The following RC3H2 variants were observed in gnomAD, a reference collection of about 807,000 sequenced individuals.
The protein encoded by RC3H2 is ring finger and CCCH-type domains 2.
Under a neutral mutation model 133.3 loss-of-function variants are expected in RC3H2, and 31 were observed. The ratio of observed to expected loss-of-function variants is 0.23; its 90% CI spans 0.17 to 0.31. The LOEUF is 0.31. Ranked by LOEUF, RC3H2 falls within the 10% of genes least tolerant of loss-of-function variation. RC3H2 has a pLI of 1.00. For missense variants in RC3H2, 1,175 were observed against 1,437.2 expected (o/e 0.82, Z 2.95); for synonymous variants, 517 against 502.2 (o/e 1.03, Z -0.40).
intron 5 of RC3H2, among the ~76,000 whole-genome samples, chr9:122,882,088 C>A (rs2131465723): frequency 6.6e-6 from 1 of 151,736 alleles, no homozygotes; most frequent in South Asian, 2.1e-4. Flanking sequence ...AAGTCTGTTG[C>A]TTTAAAAAAA....
intron 4 of RC3H2, among the ~76,000 whole-genome samples, chr9:122,889,949 C>A (rs1204535344): frequency 6.6e-6 from 1 of 152,140 alleles, no homozygotes; most frequent in Non-Finnish European, 1.5e-5. Context: ...CCAGACCAGT[C>A]TGGCCAACAT....
Position 122,851,127 on chromosome 9 carries a change from G to T in RC3H2, c.3334C>A (p.Pro1112Thr). ...AAACTCTGTTTCTTCTGCTTTGGTG[G>T]CTCCTTTTGGTGCTGCTGTACTGGA... ...GHPVQQHQKE[P>T]PKQKKQSLGE... is the part of the protein sequence containing the mutation. The change falls in exon 20 of 21, where the codon CCA becomes ACA. Residue 1112 changes from proline to threonine, a missense_variant. Coordinates refer to ENST00000357244, the MANE Select transcript of RC3H2 (RefSeq NM_001100588.3). 2 of 1,614,072 alleles carry T rather than the reference G, an allele frequency of 1.2e-6. No homozygotes were observed. Among genetic ancestry groups the T allele is most frequent in the Non-Finnish European group, 8.5e-7 (1 of 1,180,012 alleles).
chr9:122,897,652 A>G (rs1260996166), intron 1 of RC3H2, 76 bp from the exon 2 acceptor site: 2 of 1,010,646 alleles, frequency 2.0e-6, no homozygotes, highest in African/African-American at 3.3e-5. Context: ...TAAGTCAACT[A>G]TTACAGCTTC....
In RC3H2 at chr9:122,870,404, ACAAACAAAC is replaced by A. The variant is rs771042904; in HGVS notation, c.1326-4756_1326-4748del. Among the ~76,000 whole-genome samples the A allele has an allele frequency of 2.3e-3, 305 of 131,002 alleles. 3 individuals carry two copies. The highest frequency in any genetic ancestry group is 7.2e-3 in the Middle Eastern group (2 of 278). The allele number at this position is 131,002 out of a possible 152,430, so 85.9% of individuals were successfully genotyped here. A position where few individuals can be genotyped will look rare whatever the true frequency, so the allele number is the denominator to read the frequency against. ...AACAAACAAACAAACAAACAAACAA[ACAAACAAAC>A]AAAAAAAAAACAACAAACTGAGATA... On this transcript the variant is annotated intron_variant, in intron 9 of 20. Coordinates refer to ENST00000357244, the MANE Select transcript of RC3H2 (RefSeq NM_001100588.3).
At chr9:122,868,738 T>TA (rs1285711199) in intron 9 of RC3H2, among the ~76,000 whole-genome samples, 1 of 150,430 alleles carries the variant, frequency 6.6e-6, no homozygotes, top group Admixed American at 6.6e-5. Flanking sequence ...GAATGATCAA[T>TA]AAAAAATAAA....
intron 1 of RC3H2, among the ~76,000 whole-genome samples, chr9:122,900,116 T>C (rs527929178): frequency 1.3e-5 from 2 of 152,314 alleles, no homozygotes; most frequent in Admixed American, 6.5e-5. Context: ...GTCCTTAGTA[T>C]AGTTTTATGT....
intron 10 of RC3H2, among the ~76,000 whole-genome samples, chr9:122,862,964 T>G (rs1411384242): frequency 2.0e-5 from 3 of 152,148 alleles, no homozygotes; most frequent in Non-Finnish European, 4.4e-5. Context: ...TTCATTATTT[T>G]AGGGTGTACA....
At chr9:122,857,459 C>A (rs62580884) in intron 13 of RC3H2, among the ~76,000 whole-genome samples, 10,547 of 152,250 alleles carry the variant, frequency 0.069, 415 homozygotes, top group African/African-American at 0.093. Context: ...ATACCTCAGA[C>A]AGCCCAGGAT....
intron 9 of RC3H2, among the ~76,000 whole-genome samples, chr9:122,866,367 C>CTCCCCG (rs1564293225): frequency 4.7e-4 from 2 of 4,288 alleles, no homozygotes; most frequent in East Asian, 0.1. Context: ...CCCTCTCCCC[C>CTCCCCG]TCCCCCTCCC....
At chr9:122,860,182 G>A in intron 10 of RC3H2, 51 bp from the exon 11 acceptor site, 1 of 1,332,216 alleles carries the variant, frequency 7.5e-7, no homozygotes, top group Non-Finnish European at 1.1e-6. Flanking sequence ...GTCTATGACT[G>A]TCCTCCTTAC....
At chr9:122,852,406 G>C (rs550267676) in intron 18 of RC3H2, among the ~76,000 whole-genome samples, 2 of 147,750 alleles carry the variant, frequency 1.4e-5, no homozygotes, top group African/African-American at 5.0e-5. Context: ...GGAGGGAGGT[G>C]GGGGGGTCAG....
intron 9 of RC3H2, chr9:122,874,528 A>G (rs986142633): frequency 1.4e-5 from 2 of 140,956 alleles, no homozygotes; most frequent in Non-Finnish European, 1.5e-5. Flanking sequence ...TTATTTATTT[A>G]TATTTTTGAG....
intron 4 of RC3H2, among the ~76,000 whole-genome samples, chr9:122,884,447 T>C (rs923739032): frequency 6.6e-6 from 1 of 152,256 alleles, no homozygotes; most frequent in Non-Finnish European, 1.5e-5. Flanking sequence ...TATTAGCCTC[T>C]GAATGCAAAA....
At position 122,880,134 on chromosome 9, in the gene RC3H2, C is replaced by G. The variant is rs1343650965; in HGVS notation, c.961-9G>C. The stretch of plus-strand genomic sequence containing the variant: ...GACTCTGGAGACTGTAGCTAACAAA[C>G]AGAAATGAGAATGCTTTTTACTTTG... On this transcript the variant is annotated splice_polypyrimidine_tract_variant and intron_variant, in intron 6 of 20. Transcript: ENST00000357244. 1.2e-6 allele frequency: 2 copies of G among 1,613,794 alleles called. No homozygotes were observed. Among genetic ancestry groups the G allele is most frequent in the Admixed American group, 1.7e-5 (1 of 59,996 alleles).
chr9:122,886,452 G>GT (rs1444617044), intron 4 of RC3H2, among the ~76,000 whole-genome samples: 3 of 152,174 alleles, frequency 2.0e-5, no homozygotes, highest in Admixed American at 6.5e-5. Context: ...TATGGTAATT[G>GT]TTTAACTTTT....
In RC3H2 at chr9:122,854,144, T is replaced by C. The variant is rs374458490; in HGVS notation, c.2982+41A>G. On this transcript the variant is annotated intron_variant, in intron 17 of 20. Transcript: ENST00000357244. ...TTCCAACTATAGCTTTCAACTGTCA[T>C]TCTATTTCTCAAAAATTTATAGCTG... 9.5e-5 allele frequency: 153 copies of C among 1,611,812 alleles called. 1 individual carries two copies. The highest frequency in any genetic ancestry group is 1.2e-4 in the Non-Finnish European group (143 of 1,179,218).
intron 5 of RC3H2, among the ~76,000 whole-genome samples, chr9:122,881,376 C>T (rs1297212481): frequency 1.3e-5 from 2 of 148,912 alleles, no homozygotes; most frequent in Non-Finnish European, 3.0e-5. Flanking sequence ...TGTACTCCCA[C>T]CTACTCGGGA....
At chr9:122,858,345 A>G (rs1830329533) in intron 12 of RC3H2, among the ~76,000 whole-genome samples, 2 of 152,236 alleles carry the variant, frequency 1.3e-5, no homozygotes, top group African/African-American at 4.8e-5. Flanking sequence ...TGATACTGAA[A>G]AAAGGTCCTA....
intron 5 of RC3H2, among the ~76,000 whole-genome samples, chr9:122,881,799 A>G (rs1046900522): frequency 2.0e-5 from 3 of 152,190 alleles, no homozygotes; most frequent in Non-Finnish European, 2.9e-5. Context: ...TGCTGGGATT[A>G]CAGGTATAAA....
Sources: allele counts gnomAD v4.1 joint callset (sites outside exome capture counted in the v4.1 genomes callset), GRCh38; gene constraint gnomAD v4.1.1; transcripts MANE v1.5; gene names NCBI Gene and HGNC (gene_info 2026-07-23, HGNC 2026-07-21).